CDKL5: variants seen among roughly 807,000 people sequenced by gnomAD.
CDKL5 encodes the protein cyclin-dependent kinase-like 5.
Under a neutral mutation model 61.7 loss-of-function variants are expected in CDKL5, and 8 were observed. The ratio of observed to expected loss-of-function variants is 0.13; its 90% CI spans 0.08 to 0.23. The LOEUF (loss-of-function observed/expected upper bound fraction) is 0.23, where lower values mean the gene tolerates loss of function less well. Among genes scored for constraint, CDKL5 ranks in the 10% least tolerant of loss-of-function variants. The pLI, the probability that CDKL5 is intolerant of heterozygous loss-of-function variation, is 1.00. For missense variants in CDKL5, 440 were observed against 734.5 expected (o/e 0.60, Z 4.63); for synonymous variants, 275 against 272.3 (o/e 1.01, Z -0.10).
rs999155757 is a variant in CDKL5 at position 18,625,009 on chromosome X, G to T, written c.2377-119G>T. 7.9e-6 allele frequency: 5 copies of T among 633,813 alleles called. No homozygotes were observed. In the African/African-American group the frequency reaches 1.1e-4, roughly 14 times the overall value. 52.2% of individuals were successfully genotyped at this position (633,813 alleles called of 1,213,427 possible). A position where few individuals can be genotyped will look rare whatever the true frequency, so the allele number is the denominator to read the frequency against. ...AGAGATTGGGGTTCTATTTTTACTG[G>T]GTTATTTGAGTTTTGGTTTGGTTTG... On this transcript the variant is annotated intron_variant, in intron 16 of 17. Transcript: ENST00000623535.
intron 1 of CDKL5, chrX:18,457,427 CT>C (rs1392601406): frequency 2.7e-5 from 3 of 111,404 alleles, no homozygotes; most frequent in Admixed American, 1.9e-4. Flanking sequence ...TTATTGAACA[CT>C]TTCTCTGTGC....
At chrX:18,640,981 A>G (rs1927554472), downstream of CDKL5, 1 of 112,842 alleles carries the variant, frequency 8.9e-6, no homozygotes, top group Non-Finnish European at 1.9e-5. Flanking sequence ...TGCGTATTGC[A>G]AGGCAGAGGG....
chrX:18,458,242 C>G (rs755636963), intron 1 of CDKL5, among the ~76,000 whole-genome samples: 1 of 109,888 alleles, frequency 9.1e-6, no homozygotes, highest in East Asian at 2.9e-4. Context: ...TTTTTTATTC[C>G]CCCTTCAAGA....
rs1925255988 is a variant in CDKL5, at chrX:18,575,207, GTTAT to G, written c.146-143_146-140del. 6 of 498,890 alleles carry G rather than the reference GTTAT, an allele frequency of 1.2e-5. No homozygotes were observed. The South Asian group carries it at 1.2e-4, about 10-fold the overall frequency. The allele number at this position is 498,890 out of a possible 1,213,427, so 41.1% of individuals were successfully genotyped here. ...CTTGATCCTTTCAACAAGAAAACGT[GTTAT>G]TTAATATTCCATTCTTGTACTTCTT... On this transcript the variant is annotated intron_variant, in intron 4 of 17. Transcript: ENST00000623535.
At position 18,633,684 on chromosome X, in the gene CDKL5, GC is replaced by G. The variant is rs1927296374; in HGVS notation, c.*4932del. The G allele has an allele frequency of 2.7e-6, 2 of 752,569 alleles. No individual in the cohort carries two copies. Among genetic ancestry groups the G allele is most frequent in the Admixed American group, 8.7e-5 (1 of 11,455 alleles). The allele number at this position is 752,569 out of a possible 1,213,427, so 62.0% of individuals were successfully genotyped here. A position where few individuals can be genotyped will look rare whatever the true frequency, so the allele number is the denominator to read the frequency against. Reference sequence around the variant, plus strand: ...GTGGCTAGGAAACTCTGGGCCTGCTGCCCCCTTCGATTCTTTTTTTTTTTCT... The same window carrying G: ...GTGGCTAGGAAACTCTGGGCCTGCTGCCCCTTCGATTCTTTTTTTTTTTCT... On this transcript the variant is annotated 3_prime_UTR_variant, in exon 18 of 18. Coordinates refer to ENST00000623535, the MANE Select transcript of CDKL5 (RefSeq NM_001323289.2).
chrX:18,558,101 G>A (rs1924667918), intron 3 of CDKL5, among the ~76,000 whole-genome samples: 1 of 111,001 alleles, frequency 9.0e-6, no homozygotes, highest in South Asian at 3.8e-4. Flanking sequence ...TAGTCTCTCT[G>A]TTTGTGTTCC....
rs771655199 is a variant in CDKL5 at position 18,647,743 on chromosome X, T to C, written c.2797+1653T>C. 1.8e-4 allele frequency: 32 copies of C among 173,348 alleles called. No individual in the cohort carries two copies. In the East Asian group the frequency reaches 4.1e-3, roughly 22 times the overall value. The allele number at this position is 173,348 out of a possible 1,213,427, so 14.3% of individuals were successfully genotyped here. On this transcript the variant is annotated intron_variant, in intron 20 of 21. Transcript: ENST00000379989. ...TTAACACAGATTTAGCCATCCTGCC[T>C]CATGACGTCAGGTCTCTTGTTGTCC...
chrX:18,526,645 T>G (rs1165812518), intron 3 of CDKL5, among the ~76,000 whole-genome samples: 1 of 111,749 alleles, frequency 8.9e-6, no homozygotes, highest in Non-Finnish European at 1.9e-5. Flanking sequence ...GTTTGTTTTT[T>G]TTCTTAAATC....
intron 3 of CDKL5, among the ~76,000 whole-genome samples, chrX:18,558,664 G>T (rs944035813): frequency 4.5e-5 from 5 of 111,680 alleles, no homozygotes; most frequent in Non-Finnish European, 9.4e-5. Context: ...AATCAGGCCA[G>T]ATATCCAAAG....
chrX:18,633,459 G>A lies in CDKL5; in HGVS notation c.*4702G>A. ...GATCCTCTCAAAGACTTAAAAGCCT[G>A]GCTTACAAAAATAACCAGAAACCAA... On this transcript the variant is annotated 3_prime_UTR_variant, in exon 18 of 18. Coordinates refer to ENST00000623535, the MANE Select transcript of CDKL5 (RefSeq NM_001323289.2). 1 of 754,493 alleles carries A rather than the reference G, an allele frequency of 1.3e-6. No individual in the cohort carries two copies. Among genetic ancestry groups the A allele is most frequent in the South Asian group, 6.7e-5 (1 of 14,865 alleles). 62.2% of individuals were successfully genotyped at this position (754,493 alleles called of 1,213,427 possible).
At chrX:18,651,014 G>A (rs1282288816) in intron 21 of CDKL5, among the ~76,000 whole-genome samples, 1 of 111,506 alleles carries the variant, frequency 9.0e-6, no homozygotes, top group African/African-American at 3.3e-5. Context: ...GTGAGACTAC[G>A]TTGATAACCT....
intron 3 of CDKL5, among the ~76,000 whole-genome samples, chrX:18,551,676 TC>T (rs1404425952): frequency 9.5e-6 from 1 of 105,325 alleles, no homozygotes; most frequent in African/African-American, 3.5e-5. Context: ...GCCTCAACCT[TC>T]CTGGCCCAAA....
chrX:18,531,986 G>C (rs1183676842), intron 3 of CDKL5, among the ~76,000 whole-genome samples: 1 of 111,650 alleles, frequency 9.0e-6, no homozygotes, highest in African/African-American at 3.3e-5. Context: ...GATTACAGGC[G>C]TGAGCCACCG....
At chrX:18,464,031 G>T (rs978774644) in intron 1 of CDKL5, among the ~76,000 whole-genome samples, 3 of 102,487 alleles carry the variant, frequency 2.9e-5, no homozygotes, top group Non-Finnish European at 4.0e-5. Context: ...TTTTGTTTTT[G>T]TTTTTTTTTT....
At chrX:18,648,485 A>G (rs1927887508) in intron 20 of CDKL5, among the ~76,000 whole-genome samples, 1 of 110,251 alleles carries the variant, frequency 9.1e-6, no homozygotes, top group Admixed American at 9.6e-5. Context: ...CAAGGGATCC[A>G]CCTGCCTCGG....
chrX:18,496,963 G>A (rs781563816), intron 1 of CDKL5, among the ~76,000 whole-genome samples: 50 of 109,658 alleles, frequency 4.6e-4, no homozygotes, highest in Non-Finnish European at 8.6e-4. Context: ...CCAAGAAGGA[G>A]TTTGTTCAGT....
intron 6 of CDKL5, 141 bp downstream of exon 6, chrX:18,580,109 A>G (rs1925430698): frequency 3.9e-6 from 2 of 517,784 alleles, no homozygotes; most frequent in Non-Finnish European, 6.4e-6. Context: ...AGTGCAAGAC[A>G]TGAGAAATAT....
At chrX:18,548,576 C>G (rs1924279089) in intron 3 of CDKL5, among the ~76,000 whole-genome samples, 1 of 112,438 alleles carries the variant, frequency 8.9e-6, no homozygotes, top group Non-Finnish European at 1.9e-5. Context: ...GACTTGGAAC[C>G]TTTTTCAGAT....
At chrX:18,622,439 C>T (rs761753986) in intron 16 of CDKL5, among the ~76,000 whole-genome samples, 95 of 112,110 alleles carry the variant, frequency 8.5e-4, no homozygotes, top group Non-Finnish European at 1.7e-3. Context: ...TTCCAAACCT[C>T]AGAGTCCTAC....
Sources: allele counts gnomAD v4.1 joint callset (sites outside exome capture counted in the v4.1 genomes callset), GRCh38; gene constraint gnomAD v4.1.1; transcripts MANE v1.5; gene names NCBI Gene and HGNC (gene_info 2026-07-23, HGNC 2026-07-21).